The following MCF2L variants were observed in gnomAD, a reference collection of about 807,000 sequenced individuals.
MCF2L encodes MCF.2 cell line derived transforming sequence like.
In MCF2L, 97 loss-of-function variants were observed where a neutral mutation model predicts 153.4. The observed-to-expected ratio is 0.63, with a 90% confidence interval of 0.54 to 0.75. The LOEUF (loss-of-function observed/expected upper bound fraction) is 0.75. MCF2L is among the 30% of genes least tolerant of loss of function. The pLI, the probability that MCF2L is intolerant of heterozygous loss-of-function variation, is 0.00. For synonymous variants in MCF2L, 659 were observed against 632.2 expected, an observed-to-expected ratio of 1.04 and a Z score of -0.64; for missense variants, 1,347 against 1,495.2, an observed-to-expected ratio of 0.90 and a Z score of 1.64.
chr13:113,047,887 T>TCACACGCGTGCCCCGGCCCCTCTGCTGAC (rs1237460889), intron 4 of MCF2L, among the ~76,000 whole-genome samples: 2 of 149,694 alleles, frequency 1.3e-5, no homozygotes, highest in South Asian at 4.2e-4. Context: ...CCTCCGCTGA[T>TCACACGCGTGCCCCGGCCCCTCTGCTGAC]GCCTCGCTAC....
intron 3 of MCF2L, chr13:113,026,843 G>A: frequency 1.5e-6 from 1 of 688,020 alleles, no homozygotes; most frequent in East Asian, 2.6e-5. Flanking sequence ...TGAAAAGGTA[G>A]GGAGCCCAGT....
In MCF2L at chr13:113,096,977, C is replaced by T. The variant is rs1407326679; in HGVS notation, c.*118C>T. The T allele has an allele frequency of 1.1e-5, 7 of 653,230 alleles. No individual in the cohort carries two copies. The highest frequency in any genetic ancestry group is 5.8e-5 in the African/African-American group (3 of 51,880). The allele number at this position is 653,230 out of a possible 1,614,324, so 40.5% of individuals were successfully genotyped here. A position where few individuals can be genotyped will look rare whatever the true frequency, so the allele number is the denominator to read the frequency against. ...CACCGCCCCCACCCAGAGCGCCTGG[C>T]CGTGCGGGCTGCAGAGGACCCCTCC... On this transcript the variant is annotated 3_prime_UTR_variant, in exon 30 of 30. Coordinates refer to ENST00000535094, the MANE Select transcript of MCF2L (RefSeq NM_001112732.3).
At chr13:113,043,288 A>T (rs2086616818) in intron 3 of MCF2L, 1 of 152,230 alleles carries the variant, frequency 6.6e-6, no homozygotes, top group Non-Finnish European at 1.5e-5. Flanking sequence ...CCCCTGCTTC[A>T]GGACTTGAAA....
In MCF2L at chr13:113,063,480, G is replaced by T. The variant is rs575248758; in HGVS notation, c.490-824G>T. Among the ~76,000 whole-genome samples, 67 of 149,296 alleles carry T rather than the reference G, an allele frequency of 4.5e-4. No individual in the cohort carries two copies. The South Asian group carries it at 0.014, about 30-fold the overall frequency. On this transcript the variant is annotated intron_variant, in intron 5 of 29. Transcript: ENST00000535094. ...CCACACAGCCGCCCACAGCGTTCAGGCGTCCCTGTCCACACAGCTGCCCAC... is the reference window on the plus strand; with the variant it reads ...CCACACAGCCGCCCACAGCGTTCAGTCGTCCCTGTCCACACAGCTGCCCAC...
At chr13:113,012,739 G>A (rs1254576326) in intron 1 of MCF2L, among the ~76,000 whole-genome samples, 7 of 111,328 alleles carry the variant, frequency 6.3e-5, no homozygotes, top group East Asian at 2.6e-4. Flanking sequence ...CAGTGTGGAC[G>A]GTGGACACTG....
At chr13:113,064,000 C>T (rs2031968148) in intron 5 of MCF2L, 1 of 425,944 alleles carries the variant, frequency 2.3e-6, no homozygotes, top group Non-Finnish European at 4.5e-6. Context: ...TCTGTGGTCA[C>T]AAAGCCTATG....
At chr13:113,062,763 G>A (rs1052119003) in intron 5 of MCF2L, among the ~76,000 whole-genome samples, 4 of 152,344 alleles carry the variant, frequency 2.6e-5, no homozygotes, top group South Asian at 4.1e-4. Context: ...CACCTCTGCT[G>A]CCGTGACTGA....
chr13:113,080,235 G>A (rs936622118), intron 15 of MCF2L, among the ~76,000 whole-genome samples: 1 of 138,120 alleles, frequency 7.2e-6, no homozygotes, highest in African/African-American at 2.7e-5. Flanking sequence ...GTGTTCGTAT[G>A]GAGGAGGGTC....
chr13:113,051,274 TGGGGCGGCTCTG>T (rs151010640), intron 4 of MCF2L, among the ~76,000 whole-genome samples: 37,289 of 151,822 alleles, frequency 0.25, 5,346 homozygotes, highest in East Asian at 0.71. Context: ...GCCGATGGGG[TGGGGCGGCTCTG>T]GGGGCGGCCT....
At chr13:113,088,688 T>G in intron 25 of MCF2L, 60 bp downstream of exon 25, 1 of 1,538,896 alleles carries the variant, frequency 6.5e-7, no homozygotes, top group South Asian at 1.2e-5. Flanking sequence ...GCAGGCCATT[T>G]GCACGCCAGG....
In MCF2L at chr13:113,045,075, CG is replaced by C; in HGVS notation, c.279-195del. Reference sequence around the variant, plus strand: ...AACACACCAAAAGTGCCTGCCCTTCCGTAGATGAGAGCAGGTTCTGGGACTG... The same window carrying C: ...AACACACCAAAAGTGCCTGCCCTTCCTAGATGAGAGCAGGTTCTGGGACTG... On this transcript the variant is annotated intron_variant, in intron 3 of 29. Transcript: ENST00000535094. The surrounding 1 kb of genome is among the most constrained non-coding windows in gnomAD (Gnocchi z 4.2). 1.0e-6 allele frequency: 1 copy of C among 971,442 alleles called. No homozygotes were observed. Among genetic ancestry groups the C allele is most frequent in the Non-Finnish European group, 1.5e-6 (1 of 647,872 alleles). The allele number at this position is 971,442 out of a possible 1,614,324, so 60.2% of individuals were successfully genotyped here.
intron 2 of MCF2L, among the ~76,000 whole-genome samples, chr13:112,923,500 G>A (rs1297180585): frequency 6.6e-6 from 1 of 151,982 alleles, no homozygotes; most frequent in African/African-American, 2.4e-5. Context: ...TCCTGACCTG[G>A]TGATCTACCT....
chr13:112,902,666 G>C (rs762462051), intron 2 of MCF2L, among the ~76,000 whole-genome samples: 9 of 152,244 alleles, frequency 5.9e-5, no homozygotes, highest in Non-Finnish European at 8.8e-5. Flanking sequence ...TAGAGATCAT[G>C]AGAAATGTTT....
chr13:112,976,074 T>C (rs1456260943), intron 1 of MCF2L, among the ~76,000 whole-genome samples: 2 of 152,096 alleles, frequency 1.3e-5, no homozygotes, highest in East Asian at 1.9e-4. Context: ...ACAGATCCGA[T>C]TGTTCCTTCT....
chr13:113,048,658 G>A (rs1298400570), intron 4 of MCF2L, among the ~76,000 whole-genome samples: 1 of 152,006 alleles, frequency 6.6e-6, no homozygotes, highest in East Asian at 1.9e-4. Context: ...TAGCCAGGAT[G>A]GTCTCAATCT....
At chr13:113,007,148 A>C (rs2083757608) in intron 1 of MCF2L, among the ~76,000 whole-genome samples, 1 of 152,146 alleles carries the variant, frequency 6.6e-6, no homozygotes, top group South Asian at 2.1e-4. Context: ...TGGTGTGACT[A>C]CACCCCAGCC....
At chr13:112,967,054 G>C (rs901514192), upstream of MCF2L, among the ~76,000 whole-genome samples, 1 of 152,178 alleles carries the variant, frequency 6.6e-6, no homozygotes, top group African/African-American at 2.4e-5. Flanking sequence ...GTGTGGCCTA[G>C]GGCCGTGTGG....
Position 112,943,085 on chromosome 13 carries a change from T to A in MCF2L, c.169+40714T>A, listed in dbSNP as rs2081592747. ...CGCTCAGAGAGGCCTGAGAGATTTC[T>A]AGCAAAAACCTGGTAAACTTTGAGG... On this transcript the variant is annotated intron_variant, in intron 2 of 29. Coordinates refer to the MCF2L transcript ENST00000375608. This position sits in a 1 kb window ranked among gnomAD's most constrained non-coding sequence, Gnocchi z 4.2. 6.7e-6 allele frequency among the ~76,000 whole-genome samples: 1 copy of A among 149,274 alleles called. No individual in the cohort carries two copies. The highest frequency in any genetic ancestry group is 2.0e-4 in the East Asian group (1 of 5,106).
rs1162090344 is a variant in MCF2L, at chr13:113,094,572, T to C, written c.3012T>C (p.Ser1004=). ...EAPEDDGGWS[S]AEEQINSSDA... is the part of the protein sequence containing the mutation. ...CTGAGGACGACGGGGGCTGGTCAAG[T>C]GCAGAGGAGCAGATTAACTCGTCCG... Residue 1004 remains serine (S), a synonymous_variant, in exon 27 of 30, where the codon AGT becomes AGC. Coordinates refer to ENST00000535094, the MANE Select transcript of MCF2L (RefSeq NM_001112732.3). The C allele has an allele frequency of 1.9e-6, 3 of 1,612,462 alleles. No homozygotes were observed. The highest frequency in any genetic ancestry group is 2.5e-6 in the Non-Finnish European group (3 of 1,179,722).
Sources: allele counts gnomAD v4.1 joint callset (sites outside exome capture counted in the v4.1 genomes callset), GRCh38; gene constraint gnomAD v4.1.1; non-coding constraint Gnocchi (gnomAD v3.1); transcripts MANE v1.5; gene names NCBI Gene and HGNC (gene_info 2026-07-23, HGNC 2026-07-21).